NRP2: variants seen among roughly 807,000 people sequenced by gnomAD.
NRP2 encodes neuropilin-2.
NRP2 carries 52 observed loss-of-function variants against 110.4 expected under a neutral mutation model. That is an observed-to-expected ratio of 0.47 (90% CI 0.38 to 0.59). The LOEUF (loss-of-function observed/expected upper bound fraction) is 0.59. Among genes scored for constraint, NRP2 ranks in the 20% least tolerant of loss-of-function variants. NRP2 has a pLI of 0.00. For synonymous variants in NRP2, 508 were observed against 468.9 expected (o/e 1.08, Z -1.08); for missense variants, 1,049 against 1,203.0 (o/e 0.87, Z 1.89).
At chr2:205,728,316 G>C (rs1200153609) in intron 7 of NRP2, among the ~76,000 whole-genome samples, 1 of 152,196 alleles carries the variant, frequency 6.6e-6, no homozygotes, top group African/African-American at 2.4e-5. Flanking sequence ...TCAAATGAAG[G>C]AGAAAATATG....
At chr2:205,751,228 A>G (rs1185034176) in intron 11 of NRP2, among the ~76,000 whole-genome samples, 1 of 152,080 alleles carries the variant, frequency 6.6e-6, no homozygotes, top group Non-Finnish European at 1.5e-5. Context: ...TCAAAGGAAA[A>G]ATTAAGGGTT....
At chr2:205,761,194 G>A (rs1235859376) in intron 12 of NRP2, among the ~76,000 whole-genome samples, 1 of 152,182 alleles carries the variant, frequency 6.6e-6, no homozygotes, top group Non-Finnish European at 1.5e-5. Flanking sequence ...CATTTCCAAT[G>A]TATAGCCTCA....
chr2:205,710,877 T>C (rs1031311615), intron 2 of NRP2, among the ~76,000 whole-genome samples: 8 of 152,240 alleles, frequency 5.3e-5, no homozygotes, highest in Non-Finnish European at 1.0e-4. Context: ...TCATGAAATA[T>C]GGAACTTTGA....
chr2:205,748,481 T>C (rs1488442986), intron 10 of NRP2, among the ~76,000 whole-genome samples: 5 of 152,232 alleles, frequency 3.3e-5, no homozygotes, highest in African/African-American at 1.2e-4. Context: ...TCGAGGTTAT[T>C]TGCTATTTAC....
chr2:205,690,436 T>A (rs1381942011), intron 1 of NRP2, among the ~76,000 whole-genome samples: 1 of 152,088 alleles, frequency 6.6e-6, no homozygotes, highest in Non-Finnish European at 1.5e-5. Flanking sequence ...TTAATTTTAC[T>A]AGTATTAAAA....
chr2:205,707,520 C>G (rs1368429067), intron 2 of NRP2, among the ~76,000 whole-genome samples: 1 of 152,206 alleles, frequency 6.6e-6, no homozygotes, highest in Non-Finnish European at 1.5e-5. Flanking sequence ...GCCACCTACT[C>G]CCAAACTGTC....
Position 205,683,197 on chromosome 2 carries a change from G to C in NRP2, c.-94G>C. 2 of 906,880 alleles carry C rather than the reference G, an allele frequency of 2.2e-6. No individual in the cohort carries two copies. Among genetic ancestry groups the C allele is most frequent in the South Asian group, 1.4e-5 (1 of 70,706 alleles). 56.2% of individuals were successfully genotyped at this position (906,880 alleles called of 1,614,324 possible). On this transcript the variant is annotated 5_prime_UTR_variant, in exon 1 of 17. Transcript: ENST00000357785. ...CTGACCATTAGAAACCTCTGCATAA[G>C]ACGTTGTAAGGAGGAAAATAAAAGA...
chr2:205,784,727 C>T (rs2058217209), intron 15 of NRP2, among the ~76,000 whole-genome samples: 1 of 152,220 alleles, frequency 6.6e-6, no homozygotes, highest in Non-Finnish European at 1.5e-5. Context: ...TTGTCTCCAA[C>T]CTCCAAAATC....
chr2:205,740,016 TC>T, intron 7 of NRP2: 2 of 253,134 alleles, frequency 7.9e-6, no homozygotes, highest in East Asian at 1.0e-4. Context: ...CATCATCTTG[TC>T]CGCTCATGGG....
intron 7 of NRP2, among the ~76,000 whole-genome samples, chr2:205,739,207 A>G (rs1356497246): frequency 2.0e-5 from 3 of 152,212 alleles, no homozygotes; most frequent in African/African-American, 7.2e-5. Flanking sequence ...AGCCACCAGC[A>G]TAAACACTGC....
In NRP2 at chr2:205,767,331, C is replaced by T. The variant is rs1356626673; in HGVS notation, c.2425+528C>T. The stretch of plus-strand genomic sequence containing the variant: ...GCAGTCACCATACCTCAGTGAGGTA[C>T]GGTGGCAGGCTGCTTGTAAGAGAAG... On this transcript the variant is annotated intron_variant, in intron 15 of 16. Coordinates refer to ENST00000357785, the MANE Select transcript of NRP2 (RefSeq NM_003872.3). 2.1e-5 allele frequency: 10 copies of T among 476,090 alleles called. No individual in the cohort carries two copies. The East Asian group carries it at 3.7e-4, about 18-fold the overall frequency. 29.5% of individuals were successfully genotyped at this position (476,090 alleles called of 1,614,324 possible). A position where few individuals can be genotyped will look rare whatever the true frequency, so the allele number is the denominator to read the frequency against.
chr2:205,684,323 G>T (rs2056092926), intron 1 of NRP2, among the ~76,000 whole-genome samples: 1 of 152,158 alleles, frequency 6.6e-6, no homozygotes. Context: ...ACAGTGTCTG[G>T]AATCTAACAA....
chr2:205,775,813 TTGTGTA>T (rs1261322939), intron 15 of NRP2, among the ~76,000 whole-genome samples: 1 of 152,128 alleles, frequency 6.6e-6, no homozygotes, highest in Non-Finnish European at 1.5e-5. Flanking sequence ...TTGTATGTAT[TTGTGTA>T]TGTGTATGTG....
intron 7 of NRP2, 134 bp from the exon 8 acceptor site, chr2:205,740,385 C>T (rs2057418707): frequency 1.1e-6 from 1 of 883,204 alleles, no homozygotes; most frequent in Admixed American, 1.9e-5. Flanking sequence ...CCCAAAACAA[C>T]ATACCCACTG....
At chr2:205,792,652 A>G (rs966660020) in intron 16 of NRP2, among the ~76,000 whole-genome samples, 5 of 152,202 alleles carry the variant, frequency 3.3e-5, no homozygotes, top group Non-Finnish European at 7.3e-5. Context: ...GAATGAGCAT[A>G]ATGTGAATAT....
intron 4 of NRP2, 25 bp downstream of exon 4, chr2:205,722,733 T>G: frequency 6.3e-7 from 1 of 1,593,584 alleles, no homozygotes; most frequent in Non-Finnish European, 8.6e-7. Context: ...GAGGCATTCC[T>G]CAGTAGCTTG....
intron 2 of NRP2, among the ~76,000 whole-genome samples, chr2:205,710,774 A>C (rs1190221599): frequency 6.6e-6 from 1 of 152,146 alleles, no homozygotes; most frequent in African/African-American, 2.4e-5. Context: ...TTTTAATGTA[A>C]GGATTAATAA....
rs755580423 is a variant in NRP2, at chr2:205,747,029, C to T, written c.1786+1139C>T. 7.0e-4 allele frequency among the ~76,000 whole-genome samples: 107 copies of T among 152,106 alleles called. 6 individuals carry two copies. Among genetic ancestry groups the T allele is most frequent in the South Asian group, 2.1e-4 (1 of 4,822 alleles). ...TGCAGCCTGCTAAACGTGTGTCACC[C>T]GTCCTCTCACAGGTGCAGAAAACCT... On this transcript the variant is annotated intron_variant, in intron 10 of 16. Coordinates refer to ENST00000357785, the MANE Select transcript of NRP2 (RefSeq NM_003872.3).
At chr2:205,785,313 G>A (rs1470284696) in intron 15 of NRP2, among the ~76,000 whole-genome samples, 2 of 152,080 alleles carry the variant, frequency 1.3e-5, no homozygotes, top group Non-Finnish European at 2.9e-5. Context: ...TAGAGGAGGG[G>A]AGAAATTTCA....
Sources: gnomAD v4.1 joint callset for allele counts (sites outside exome capture counted in the v4.1 genomes callset) on GRCh38, gnomAD v4.1.1 for gene constraint, MANE v1.5 for transcripts, NCBI Gene and HGNC (gene_info 2026-07-23, HGNC 2026-07-21) for gene names.